The following ADAMTS6 variants were observed in gnomAD, a reference collection of about 807,000 sequenced individuals.
ADAMTS6 encodes A disintegrin and metalloproteinase with thrombospondin motifs 6.
ADAMTS6 carries 23 observed loss-of-function variants against 144.3 expected under a neutral mutation model. That is an observed-to-expected ratio of 0.16 (90% CI 0.11 to 0.23). The LOEUF (loss-of-function observed/expected upper bound fraction) is 0.23, where lower values mean the gene tolerates loss of function less well. Among genes scored for constraint, ADAMTS6 ranks in the 10% least tolerant of loss-of-function variants. ADAMTS6 has a pLI of 1.00. For synonymous variants in ADAMTS6, 444 were observed against 457.5 expected (o/e 0.97, Z 0.38); for missense variants, 999 against 1,379.6 (o/e 0.72, Z 4.37).
intron 24 of ADAMTS6, 43 bp from the exon 25 acceptor site, chr5:65,151,988 T>C (rs760084959): frequency 2.6e-6 from 4 of 1,525,736 alleles, no homozygotes; most frequent in African/African-American, 2.7e-5. Context: ...TAGAGGCACA[T>C]AAACAAGTAC....
intron 7 of ADAMTS6, among the ~76,000 whole-genome samples, chr5:65,399,855 A>G (rs1484954069): frequency 6.6e-6 from 1 of 152,144 alleles, no homozygotes; most frequent in Non-Finnish European, 1.5e-5. Flanking sequence ...TCCTTCAATG[A>G]TGCTCTTCAA....
At position 65,452,807 on chromosome 5, in the gene ADAMTS6, A is replaced by C. The variant is rs755656400; in HGVS notation, c.743T>G (p.Ile248Ser). Residue 248 changes from isoleucine to serine, a missense_variant, in exon 5 of 25, where the codon ATT becomes AGT. This residue lies in a region of ADAMTS6 where 252 missense variants were observed against 293.7 expected (regional missense o/e 0.86). Transcript: ENST00000381055. ...IHHRQKRSVSIERFVETLVVA... is the reference protein window; with the variant it reads ...IHHRQKRSVSSERFVETLVVA... ...TACCAATGTCTCCACAAACCGTTCA[A>C]TGCTCACTGATCTCTTCTGTCTGTG... The C allele has an allele frequency of 1.2e-6, 2 of 1,614,128 alleles. No individual in the cohort carries two copies. The highest frequency in any genetic ancestry group is 2.2e-5 in the South Asian group (2 of 91,080).
At chr5:65,480,751 T>C (rs1411919548) in intron 1 of ADAMTS6, among the ~76,000 whole-genome samples, 1 of 152,072 alleles carries the variant, frequency 6.6e-6, no homozygotes, top group African/African-American at 2.4e-5. Flanking sequence ...GGGTTATGAG[T>C]CTAGCACGTC....
intron 9 of ADAMTS6, among the ~76,000 whole-genome samples, chr5:65,320,952 G>A (rs528332305): frequency 1.1e-4 from 16 of 152,112 alleles, no homozygotes; most frequent in Admixed American, 3.3e-4. Context: ...GTCTGTTATC[G>A]ATGGCCATTT....
At chr5:65,252,641 A>G (rs953835201) in intron 14 of ADAMTS6, among the ~76,000 whole-genome samples, 3 of 151,688 alleles carry the variant, frequency 2.0e-5, no homozygotes, top group African/African-American at 7.2e-5. Flanking sequence ...ATATAGTGCT[A>G]TAAGCTAACA....
At chr5:65,358,630 T>C (rs1035304393) in intron 7 of ADAMTS6, among the ~76,000 whole-genome samples, 9 of 152,170 alleles carry the variant, frequency 5.9e-5, no homozygotes, top group Admixed American at 4.6e-4. Context: ...CAAAATATAC[T>C]ATAAAGCTGT....
chr5:65,264,206 T>C (rs1361299271), intron 12 of ADAMTS6, among the ~76,000 whole-genome samples: 7 of 152,162 alleles, frequency 4.6e-5, no homozygotes, highest in Non-Finnish European at 1.0e-4. Context: ...TATGCCACCT[T>C]TTTGCTTAAA....
intron 9 of ADAMTS6, among the ~76,000 whole-genome samples, chr5:65,306,703 CA>C (rs1213321300): frequency 6.6e-6 from 1 of 152,204 alleles, no homozygotes; most frequent in African/African-American, 2.4e-5. Context: ...ACCACATCTT[CA>C]CCAATATTTA....
intron 8 of ADAMTS6, among the ~76,000 whole-genome samples, chr5:65,333,009 G>A (rs1746923634): frequency 6.6e-6 from 1 of 152,080 alleles, no homozygotes; most frequent in Non-Finnish European, 1.5e-5. Context: ...TTTCCGAAGA[G>A]ATATTTCACT....
intron 19 of ADAMTS6, 61 bp downstream of exon 19, chr5:65,215,263 C>T (rs1756831988): frequency 3.2e-6 from 5 of 1,549,256 alleles, no homozygotes; most frequent in Non-Finnish European, 4.4e-6. Context: ...AAACCTGCCC[C>T]TTCCTACCTC....
rs746113036 is a variant in ADAMTS6 at position 65,214,919 on chromosome 5, T to A, written c.2450A>T (p.Glu817Val). The A allele has an allele frequency of 6.2e-7, 1 of 1,613,626 alleles. No homozygotes were observed. Among genetic ancestry groups the A allele is most frequent in the African/African-American group, 1.3e-5 (1 of 74,902 alleles). Reference protein sequence around the residue: ...ENLIVMVLLQEQNLGIRYKFN... With the variant: ...ENLIVMVLLQVQNLGIRYKFN... The stretch of plus-strand genomic sequence containing the variant: ...CTTATACCTAATTCCCAAATTCTGT[T>A]CTTGAAGCAGAACCTGCCATTGAAA... Residue 817 changes from glutamate to valine, a missense_variant, in exon 20 of 25, where the codon GAA becomes GTA. Coordinates refer to ENST00000381055, the MANE Select transcript of ADAMTS6 (RefSeq NM_197941.4). This position sits in a 1 kb window ranked among gnomAD's most constrained non-coding sequence, Gnocchi z 4.6.
At chr5:65,279,215 G>A (rs1762800339) in intron 11 of ADAMTS6, among the ~76,000 whole-genome samples, 1 of 152,102 alleles carries the variant, frequency 6.6e-6, no homozygotes, top group African/African-American at 2.4e-5. Context: ...AAAGCACTGG[G>A]ATTACAGGCA....
Position 65,225,033 on chromosome 5 carries a change from A to G in ADAMTS6, c.2082T>C (p.Asp694=). 6.2e-7 allele frequency: 1 copy of G among 1,614,018 alleles called. No homozygotes were observed. Among genetic ancestry groups the G allele is most frequent in the Non-Finnish European group, 8.5e-7 (1 of 1,179,962 alleles). ...INGECKHVGC[D]NILGSDARED... is the part of the protein sequence containing the mutation. Reference sequence around the variant, plus strand: ...CCCTAGCATCAGATCCCAAAATATTATCACAGCCTACGTGCTGAAAACAGA... The same window carrying G: ...CCCTAGCATCAGATCCCAAAATATTGTCACAGCCTACGTGCTGAAAACAGA... The change falls in exon 17 of 25, where the codon GAT becomes GAC. Residue 694 remains aspartate (D), a synonymous_variant. Coordinates refer to ENST00000381055, the MANE Select transcript of ADAMTS6 (RefSeq NM_197941.4).
At chr5:65,212,312 T>C (rs532197169) in intron 20 of ADAMTS6, among the ~76,000 whole-genome samples, 2 of 151,854 alleles carry the variant, frequency 1.3e-5, no homozygotes, top group African/African-American at 2.4e-5. Context: ...CCAACCCTAA[T>C]GTGAGTTCCC....
chr5:65,197,168 C>T lies in ADAMTS6; in HGVS notation c.2576-17G>A, dbSNP rs1755441572. 6.2e-7 allele frequency: 1 copy of T among 1,611,620 alleles called. No homozygotes were observed. Among genetic ancestry groups the T allele is most frequent in the African/African-American group, 1.3e-5 (1 of 74,778 alleles). On this transcript the variant is annotated splice_polypyrimidine_tract_variant and intron_variant, in intron 20 of 24. Coordinates refer to ENST00000381055, the MANE Select transcript of ADAMTS6 (RefSeq NM_197941.4). Reference sequence around the variant, plus strand: ...TTTGGACACCTTGAGAAAAGGAGGACATCATTAATTGAAGAGAAGTTTACC... The same window carrying T: ...TTTGGACACCTTGAGAAAAGGAGGATATCATTAATTGAAGAGAAGTTTACC...
chr5:65,438,011 C>T (rs1039009879), intron 7 of ADAMTS6, among the ~76,000 whole-genome samples: 1 of 152,102 alleles, frequency 6.6e-6, no homozygotes, highest in Non-Finnish European at 1.5e-5. Context: ...TATTAAAGGG[C>T]AAGAATATTT....
At chr5:65,310,568 G>T (rs1418913627) in intron 9 of ADAMTS6, among the ~76,000 whole-genome samples, 1 of 152,080 alleles carries the variant, frequency 6.6e-6, no homozygotes, top group African/African-American at 2.4e-5. Flanking sequence ...GGTATAAATT[G>T]TTATTTTATC....
chr5:65,449,737 C>T lies in ADAMTS6; in HGVS notation c.1073+1738G>A, dbSNP rs150152448. Reference sequence around the variant, plus strand: ...AGCAAAGAAGAGCCCTGCAGAGAATCGGGAAAATATCAAGGCGAATTCAGA... The same window carrying T: ...AGCAAAGAAGAGCCCTGCAGAGAATTGGGAAAATATCAAGGCGAATTCAGA... On this transcript the variant is annotated intron_variant, in intron 7 of 24. Transcript: ENST00000381055. Among the ~76,000 whole-genome samples, 1,386 of 152,226 alleles carry T rather than the reference C, an allele frequency of 9.1e-3. 14 individuals are homozygous for T. Among genetic ancestry groups the T allele is most frequent in the Non-Finnish European group, 0.013 (854 of 68,004 alleles).
intron 9 of ADAMTS6, among the ~76,000 whole-genome samples, chr5:65,318,074 C>CAAAA (rs78876970): frequency 3.2e-5 from 2 of 63,014 alleles, no homozygotes; most frequent in African/African-American, 5.1e-5. Context: ...GACTCCATCT[C>CAAAA]AAAAAAAAAA....
Sources: allele counts gnomAD v4.1 joint callset (sites outside exome capture counted in the v4.1 genomes callset), GRCh38; gene constraint gnomAD v4.1.1; regional missense constraint gnomAD v4.1.1; non-coding constraint Gnocchi (gnomAD v3.1); transcripts MANE v1.5; gene names NCBI Gene and HGNC (gene_info 2026-07-23, HGNC 2026-07-21).